The following DGKK variants were observed in gnomAD, a reference collection of about 807,000 sequenced individuals.
DGKK encodes diacylglycerol kinase kappa, also known as 142 kDa diacylglycerol kinase.
Under a neutral mutation model 92.2 loss-of-function variants are expected in DGKK, and 35 were observed. The observed-to-expected ratio is 0.38, with a 90% CI of 0.29 to 0.50. The LOEUF (loss-of-function observed/expected upper bound fraction) is 0.50. DGKK is among the 20% of genes least tolerant of loss of function. The pLI is 0.92. For missense variants in DGKK, 910 were observed against 992.2 expected (o/e 0.92, Z 1.11); for synonymous variants, 368 against 360.6 (o/e 1.02, Z -0.23).
At chrX:50,398,279 A>G (rs1346937171) in intron 8 of DGKK, among the ~76,000 whole-genome samples, 1 of 111,890 alleles carries the variant, frequency 8.9e-6, no homozygotes, top group Non-Finnish European at 1.9e-5. Flanking sequence ...CTATGACTGG[A>G]AGATGCAAAA....
intron 1 of DGKK, among the ~76,000 whole-genome samples, chrX:50,447,357 A>ATATATATATATAAT (rs59456316): frequency 1.2e-4 from 1 of 8,170 alleles, no homozygotes; most frequent in African/African-American, 6.7e-4. Flanking sequence ...ATATATATAT[A>ATATATATATATAAT]ATATATATAT....
intron 26 of DGKK, among the ~76,000 whole-genome samples, chrX:50,371,222 A>C (rs1431466805): frequency 8.9e-6 from 1 of 112,196 alleles, no homozygotes; most frequent in Non-Finnish European, 1.9e-5. Flanking sequence ...TGTTGTCAGA[A>C]AACCCAGAGT....
intron 1 of DGKK, among the ~76,000 whole-genome samples, chrX:50,445,121 C>CTTTTT (rs57163220): frequency 3.0e-5 from 2 of 67,491 alleles, no homozygotes; most frequent in African/African-American, 6.2e-5. Flanking sequence ...CCTTTGCCCA[C>CTTTTT]TTTTTTTTTT....
chrX:50,466,545 G>A (rs1926915365), intron 1 of DGKK, among the ~76,000 whole-genome samples: 1 of 111,480 alleles, frequency 9.0e-6, no homozygotes, highest in Admixed American at 9.5e-5. Context: ...ATTTCCTTAA[G>A]GGCTATATAT....
At chrX:50,395,122 A>G (rs1002704639) in intron 8 of DGKK, among the ~76,000 whole-genome samples, 2 of 110,752 alleles carry the variant, frequency 1.8e-5, no homozygotes, top group African/African-American at 6.6e-5. Flanking sequence ...TAAGGGGAAG[A>G]CTGTTCAGCA....
intron 1 of DGKK, among the ~76,000 whole-genome samples, chrX:50,439,974 G>A (rs1926127426): frequency 9.0e-6 from 1 of 111,427 alleles, no homozygotes; most frequent in African/African-American, 3.3e-5. Context: ...ACCAGTGTTA[G>A]AATAAGGGGA....
rs1557230897 is a variant in DGKK, at chrX:50,437,620, T to C, written c.646-13262A>G. 7.4e-5 allele frequency among the ~76,000 whole-genome samples: 8 copies of C among 108,775 alleles called. No individual in the cohort carries two copies. In the South Asian group the frequency reaches 3.2e-3, roughly 43 times the overall value. 94.5% of individuals were successfully genotyped at this position (108,775 alleles called of 115,157 possible). ...GAAGGGCTGACCATAAAAGTACAAA[T>C]GCAATAAGAGAGAAAGAGAGAGGGG... On this transcript the variant is annotated intron_variant, in intron 1 of 27. Coordinates refer to ENST00000611977, the MANE Select transcript of DGKK (RefSeq NM_001013742.4).
chrX:50,468,190 G>A (rs892324492), intron 1 of DGKK, among the ~76,000 whole-genome samples: 1 of 112,113 alleles, frequency 8.9e-6, no homozygotes, highest in African/African-American at 3.2e-5. Flanking sequence ...GCTTTCGCAT[G>A]GGAGCAGGGG....
chrX:50,380,766 T>C (rs1924395241), intron 18 of DGKK, among the ~76,000 whole-genome samples: 1 of 111,501 alleles, frequency 9.0e-6, no homozygotes, highest in Non-Finnish European at 1.9e-5. Flanking sequence ...TATAGTTTAC[T>C]TGGAGCTTGT....
At position 50,468,857 on chromosome X, in the gene DGKK, TTGTG is replaced by T. The variant is rs145971796; in HGVS notation, c.645+1173_645+1176del. ...ATTGTTCGTGTGTTGTGTTATTCGT[TTGTG>T]TGTGTGTGTGTGTGTGTGTGAATGC... On this transcript the variant is annotated intron_variant, in intron 1 of 27. Coordinates refer to ENST00000611977, the MANE Select transcript of DGKK (RefSeq NM_001013742.4). Among the ~76,000 whole-genome samples, 31 of 103,337 alleles carry T rather than the reference TTGTG, an allele frequency of 3.0e-4. No individual in the cohort carries two copies. The South Asian group carries it at 4.8e-3, about 16-fold the overall frequency. 89.7% of individuals were successfully genotyped at this position (103,337 alleles called of 115,157 possible).
intron 1 of DGKK, among the ~76,000 whole-genome samples, chrX:50,432,598 A>G (rs1925916885): frequency 8.9e-6 from 1 of 112,465 alleles, no homozygotes; most frequent in Admixed American, 9.4e-5. Flanking sequence ...ACAATTCCCT[A>G]TTGAAAGACA....
intron 1 of DGKK, among the ~76,000 whole-genome samples, chrX:50,456,470 A>T (rs1436244737): frequency 8.9e-6 from 1 of 111,838 alleles, no homozygotes; most frequent in Non-Finnish European, 1.9e-5. Context: ...CCAGAAATAG[A>T]TTAAATTCTG....
intron 1 of DGKK, among the ~76,000 whole-genome samples, chrX:50,427,488 C>T (rs939940682): frequency 9.2e-6 from 1 of 109,131 alleles, no homozygotes; most frequent in African/African-American, 3.3e-5. Context: ...CAAGAATGAA[C>T]CCTGATGTAA....
intron 26 of DGKK, among the ~76,000 whole-genome samples, chrX:50,370,883 T>C (rs1319590952): frequency 8.9e-6 from 1 of 112,419 alleles, no homozygotes; most frequent in African/African-American, 3.2e-5. Context: ...CCTGAGCTCA[T>C]GTGGCTAGGG....
At chrX:50,402,970 A>G (rs1195392065) in intron 7 of DGKK, 91 bp downstream of exon 7, 6 of 1,077,366 alleles carry the variant, frequency 5.6e-6, no homozygotes, top group Non-Finnish European at 7.4e-6. Context: ...AGTTTCTTAG[A>G]TTTCTATCTA....
intron 7 of DGKK, 126 bp downstream of exon 7, chrX:50,402,935 T>A (rs1349773849): frequency 2.2e-6 from 2 of 907,298 alleles, no homozygotes; most frequent in African/African-American, 4.0e-5. Flanking sequence ...TACTATGGAA[T>A]CTGTTTAACC....
chrX:50,393,257 TTGA>T lies in DGKK; in HGVS notation c.1487_1489del (p.Ile496del). ...CCCCTGATGATCGCCACTTTTGGAG[TTGA>T]TGAAGATGAGCAAGGGACATGAACA... On this transcript the variant is annotated inframe_deletion, in exon 9 of 28. Coordinates refer to ENST00000611977, the MANE Select transcript of DGKK (RefSeq NM_001013742.4). The T allele has an allele frequency of 8.3e-7, 1 of 1,209,883 alleles. No homozygotes were observed. The highest frequency in any genetic ancestry group is 1.1e-6 in the Non-Finnish European group (1 of 894,489).
intron 1 of DGKK, among the ~76,000 whole-genome samples, chrX:50,468,480 G>T (rs1176298824): frequency 1.8e-5 from 2 of 111,347 alleles, no homozygotes; most frequent in South Asian, 3.9e-4. Flanking sequence ...GCAGGAAAGG[G>T]TATTTTCAGG....
chrX:50,470,583 C>T lies in DGKK; in HGVS notation c.96G>A (p.Pro32=), dbSNP rs375756429. The change falls in exon 1 of 28, where the codon CCG becomes CCA. Residue 32 remains proline (P), a synonymous_variant. Transcript: ENST00000611977. Reference sequence around the variant, plus strand: ...GCGGCGGAGCCGGTGGTGGTGGCGGCGGCGGCCAAGGCGGCGGAGGCTCTG... The same window carrying T: ...GCGGCGGAGCCGGTGGTGGTGGCGGTGGCGGCCAAGGCGGCGGAGGCTCTG... The part of the protein sequence containing the change: ...ESPEPPPPWP[P]PPPPPAPPPA... 5 of 1,198,960 alleles carry T rather than the reference C, an allele frequency of 4.2e-6. No individual in the cohort carries two copies. The African/African-American group carries it at 8.7e-5, about 21-fold the overall frequency.
Sources: gnomAD v4.1 joint callset for allele counts (sites outside exome capture counted in the v4.1 genomes callset) on GRCh38, gnomAD v4.1.1 for gene constraint, MANE v1.5 for transcripts, NCBI Gene and HGNC (gene_info 2026-07-23, HGNC 2026-07-21) for gene names.